PKIA: variants seen among roughly 807,000 people sequenced by gnomAD.
PKIA encodes PKI-alpha.
A neutral mutation model predicts 7.6 loss-of-function variants in PKIA; 4 were observed. That is an observed-to-expected ratio of 0.52 (90% CI 0.26 to 1.20). The LOEUF is 1.20. PKIA is among the 50% of genes most tolerant of loss of function. PKIA has a pLI of 0.13. For synonymous variants in PKIA, 21 were observed against 30.7 expected (o/e 0.68, Z 1.04); for missense variants, 73 against 86.2 (o/e 0.85, Z 0.61).
At chr8:78,558,060 A>T (rs190226893) in intron 1 of PKIA, among the ~76,000 whole-genome samples, 435 of 152,320 alleles carry the variant, frequency 2.9e-3, no homozygotes, top group Non-Finnish European at 4.6e-3. Context: ...TAGTAAGGGG[A>T]TGCAGAGCAG....
At chr8:78,572,068 C>G (rs1443127390) in intron 1 of PKIA, among the ~76,000 whole-genome samples, 1 of 152,072 alleles carries the variant, frequency 6.6e-6, no homozygotes, top group Non-Finnish European at 1.5e-5. Flanking sequence ...GAGAAGACTA[C>G]TCCTTAGTCA....
At chr8:78,574,323 G>C (rs1807625811) in intron 2 of PKIA, among the ~76,000 whole-genome samples, 3 of 151,648 alleles carry the variant, frequency 2.0e-5, no homozygotes, top group African/African-American at 7.3e-5. Flanking sequence ...ATTGCTTTTT[G>C]CTATAGTCAC....
intron 1 of PKIA, among the ~76,000 whole-genome samples, chr8:78,543,257 GT>G (rs1806741242): frequency 6.6e-6 from 1 of 152,178 alleles, no homozygotes; most frequent in Non-Finnish European, 1.5e-5. Flanking sequence ...GCTTCTAAGT[GT>G]CCCACCCTAT....
At chr8:78,543,297 G>T (rs1269784737) in intron 1 of PKIA, among the ~76,000 whole-genome samples, 1 of 152,116 alleles carries the variant, frequency 6.6e-6, no homozygotes, top group Non-Finnish European at 1.5e-5. Context: ...TGGGCAAATT[G>T]TAAGTTTCTT....
intron 2 of PKIA, among the ~76,000 whole-genome samples, chr8:78,592,877 A>G (rs1158746438): frequency 1.3e-5 from 2 of 152,212 alleles, no homozygotes; most frequent in Non-Finnish European, 2.9e-5. Context: ...CCCTACAAGG[A>G]TATGTATTAT....
intron 1 of PKIA, among the ~76,000 whole-genome samples, chr8:78,564,160 GA>G (rs1475136642): frequency 6.6e-6 from 1 of 151,516 alleles, no homozygotes; most frequent in Non-Finnish European, 1.5e-5. Flanking sequence ...GGAAAGTGGG[GA>G]AGCCTTATTT....
chr8:78,598,354 G>T lies in PKIA; in HGVS notation c.-27-4G>T, dbSNP rs1342838185. 1 of 1,574,244 alleles carries T rather than the reference G, an allele frequency of 6.4e-7. No homozygotes were observed. The highest frequency in any genetic ancestry group is 8.7e-7 in the Non-Finnish European group (1 of 1,152,612). ...TCACCTATTAATTTTCCTTTCTTTT[G>T]TAGTCCCTGCTATGTGGATATTTGG... On this transcript the variant is annotated splice_polypyrimidine_tract_variant and splice_region_variant and intron_variant, in intron 2 of 3. Coordinates refer to ENST00000396418, the MANE Select transcript of PKIA (RefSeq NM_006823.4).
In PKIA at chr8:78,552,635, G is replaced by A. The variant is rs538698600; in HGVS notation, c.-156-20176G>A. On this transcript the variant is annotated intron_variant, in intron 1 of 3. Transcript: ENST00000396418. ...AACAGGAACATGCATGGGAACAATG[G>A]TGAAACATAATTGAGCCTTAAAAAG... Among the ~76,000 whole-genome samples the A allele has an allele frequency of 4.0e-4, 61 of 152,106 alleles. 1 individual carries two copies. The highest frequency in any genetic ancestry group is 1.4e-3 in the African/African-American group (58 of 41,570).
At chr8:78,521,332 T>C (rs1480186252) in intron 1 of PKIA, among the ~76,000 whole-genome samples, 1 of 152,126 alleles carries the variant, frequency 6.6e-6, no homozygotes, top group African/African-American at 2.4e-5. Context: ...TGATAATTTA[T>C]GTTCATCCCT....
intron 2 of PKIA, among the ~76,000 whole-genome samples, chr8:78,576,129 C>A (rs1471998776): frequency 1.3e-5 from 2 of 151,982 alleles, no homozygotes; most frequent in African/African-American, 4.8e-5. Context: ...AAGGGCCTAT[C>A]TCCAAATGCA....
At chr8:78,550,753 C>T (rs2118466605) in intron 1 of PKIA, among the ~76,000 whole-genome samples, 1 of 151,866 alleles carries the variant, frequency 6.6e-6, no homozygotes, top group African/African-American at 2.4e-5. Context: ...TTTTGGTGCA[C>T]CCATTACCCA....
In PKIA at chr8:78,602,798, A is replaced by C. The variant is rs548400352; in HGVS notation, c.*977A>C. The C allele has an allele frequency of 6.6e-6, 1 of 151,770 alleles. No individual in the cohort carries two copies. The highest frequency in any genetic ancestry group is 1.5e-5 in the Non-Finnish European group (1 of 67,790). The allele number at this position is 151,770 out of a possible 1,614,324, so 9.4% of individuals were successfully genotyped here. On this transcript the variant is annotated 3_prime_UTR_variant, in exon 4 of 4. Coordinates refer to ENST00000396418, the MANE Select transcript of PKIA (RefSeq NM_006823.4). ...CTAAGGACTGGAAATATTTTGTTCT[A>C]TGGAATCAAATTTCTCACAATGCTG...
intron 2 of PKIA, among the ~76,000 whole-genome samples, chr8:78,585,706 T>C (rs562609501): frequency 6.6e-4 from 101 of 152,298 alleles, no homozygotes; most frequent in African/African-American, 2.3e-3. Context: ...AGAGGCATAT[T>C]AAAGTGTTTA....
chr8:78,572,726 G>A (rs1382787981), intron 1 of PKIA, 85 bp from the exon 2 acceptor site: 1 of 152,000 alleles, frequency 6.6e-6, no homozygotes, highest in Non-Finnish European at 1.5e-5. Context: ...TCAAATGACG[G>A]ATGCTTGAAC....
chr8:78,595,033 T>C (rs1808196444), intron 2 of PKIA, among the ~76,000 whole-genome samples: 1 of 152,148 alleles, frequency 6.6e-6, no homozygotes, highest in Non-Finnish European at 1.5e-5. Flanking sequence ...TCCAAGTGTA[T>C]ACTAATAATA....
chr8:78,571,901 G>A (rs542292159), intron 1 of PKIA, among the ~76,000 whole-genome samples: 1 of 152,178 alleles, frequency 6.6e-6, no homozygotes, highest in South Asian at 2.1e-4. Flanking sequence ...TTTTCAATCA[G>A]ATAGAAAAGA....
intron 1 of PKIA, among the ~76,000 whole-genome samples, chr8:78,516,984 G>C (rs769691119): frequency 1.3e-5 from 2 of 152,112 alleles, no homozygotes; most frequent in Non-Finnish European, 2.9e-5. Flanking sequence ...TCTATCTGGA[G>C]GGGAAACTTC....
At chr8:78,565,334 G>T (rs1263386782) in intron 1 of PKIA, among the ~76,000 whole-genome samples, 2 of 151,648 alleles carry the variant, frequency 1.3e-5, no homozygotes, top group Non-Finnish European at 3.0e-5. Context: ...GAATCTGCAG[G>T]TTGCATCTGC....
chr8:78,543,456 T>TA (rs1404443791), intron 1 of PKIA, among the ~76,000 whole-genome samples: 2 of 152,230 alleles, frequency 1.3e-5, no homozygotes, highest in Non-Finnish European at 2.9e-5. Context: ...AGCAATCTTC[T>TA]AAAAGGAATA....
Sources: gnomAD v4.1 joint callset for allele counts (sites outside exome capture counted in the v4.1 genomes callset) on GRCh38, gnomAD v4.1.1 for gene constraint, MANE v1.5 for transcripts, NCBI Gene and HGNC (gene_info 2026-07-23, HGNC 2026-07-21) for gene names.